Variants in C5 observed in about 807,000 individuals in gnomAD.
The protein encoded by C5 is complement C5.
C5 carries 140 observed loss-of-function variants against 218.8 expected under a neutral mutation model. That is an observed-to-expected ratio of 0.64 (90% CI 0.56 to 0.74). C5 has a LOEUF of 0.74. Among genes scored for constraint, C5 ranks in the 30% least tolerant of loss-of-function variants. C5 has a pLI of 0.00. For missense variants in C5, 1,700 were observed against 1,969.6 expected, an observed-to-expected ratio of 0.86 and a Z score of 2.59; for synonymous variants, 614 against 682.3, an observed-to-expected ratio of 0.90 and a Z score of 1.56.
In C5 at chr9:121,013,885, A is replaced by G. The variant is rs752795262; in HGVS notation, c.2245T>C (p.Leu749=). 5 of 1,614,000 alleles carry G rather than the reference A, an allele frequency of 3.1e-6. No individual in the cohort carries two copies. The highest frequency in any genetic ancestry group is 2.2e-5 in the South Asian group (2 of 91,070). ...RANISHKDMQ[L]GRLHMKTLLP... ...ATGTCATACTTACGTAGCCTTCCCA[A>G]TTGCATGTCTTTATGAGAGATATTA... The change falls in exon 17 of 41, where the codon TTG becomes CTG. Residue 749 remains leucine (L), a synonymous_variant. Coordinates refer to ENST00000223642, the MANE Select transcript of C5 (RefSeq NM_001735.3).
At chr9:120,972,022 C>A (rs766780891) in intron 30 of C5, 30 bp from the exon 31 acceptor site, 2 of 1,577,446 alleles carry the variant, frequency 1.3e-6, no homozygotes, top group Non-Finnish European at 8.7e-7. Context: ...ACAAACCATG[C>A]TTTCTTTCAT....
Position 121,018,737 on chromosome 9 carries a change from G to GAAAGA in C5, c.1507-886_1507-885insTCTTT, listed in dbSNP as rs1439699610. Among the ~76,000 whole-genome samples the GAAAGA allele has an allele frequency of 8.1e-4, 72 of 88,468 alleles. 1 individual carries two copies. The highest frequency in any genetic ancestry group is 3.2e-3 in the South Asian group (8 of 2,482). 58.0% of individuals were successfully genotyped at this position (88,468 alleles called of 152,430 possible). A position where few individuals can be genotyped will look rare whatever the true frequency, so the allele number is the denominator to read the frequency against. The stretch of plus-strand genomic sequence containing the variant: ...AGAAAGAAAGAAAGAAGGAAGGAAG[G>GAAAGA]AAGGAAAGGAAGGAAGGAAGGAAGG... On this transcript the variant is annotated intron_variant, in intron 12 of 40. Transcript: ENST00000223642.
Position 121,005,943 on chromosome 9 carries a change from G to T in C5, c.2538C>A (p.Tyr846Ter). ...GEQIQLKGTV[Y>*]NYRTSGMQFC... ...CCTGCATCCCAGAAGTCCTATAGTT[G>T]TAAACAGTTCCTTTCAATTGGATCT... Residue 846 changes from tyrosine (Y) to a stop codon, truncating the protein, a stop_gained, in exon 20 of 41, where the codon TAC becomes TAA. Transcript: ENST00000223642. LOFTEE classifies it high-confidence loss of function. 2 of 1,613,520 alleles carry T rather than the reference G, an allele frequency of 1.2e-6. No individual in the cohort carries two copies. Among genetic ancestry groups the T allele is most frequent in the Non-Finnish European group, 1.7e-6 (2 of 1,179,670 alleles).
At chr9:120,955,640 G>C in intron 39 of C5, among the ~76,000 whole-genome samples, 1 of 151,466 alleles carries the variant, frequency 6.6e-6, no homozygotes, top group Non-Finnish European at 1.5e-5. Context: ...CATCAATGAA[G>C]AAAAAAATAA....
chr9:121,043,700 C>CTTTTTTTTTTTTTTT (rs34794535), intron 2 of C5, among the ~76,000 whole-genome samples: 3 of 120,662 alleles, frequency 2.5e-5, no homozygotes, highest in Non-Finnish European at 3.3e-5. Context: ...GTCCAGCTAA[C>CTTTTTTTTTTTTTTT]TTTTTTTTTT....
At chr9:120,991,088 T>A in intron 23 of C5, 103 bp downstream of exon 23, 1 of 773,864 alleles carries the variant, frequency 1.3e-6, no homozygotes, top group South Asian at 1.4e-5. Flanking sequence ...TTGTGTGTGC[T>A]ACTGAACACG....
chr9:121,032,283 A>G, intron 5 of C5, 88 bp from the exon 6 acceptor site: 2 of 766,866 alleles, frequency 2.6e-6, no homozygotes, highest in Non-Finnish European at 4.6e-6. Flanking sequence ...TGTTTTAAAG[A>G]GGGAAGAATA....
intron 26 of C5, among the ~76,000 whole-genome samples, chr9:120,982,299 C>T (rs1312526025): frequency 2.6e-5 from 4 of 152,034 alleles, no homozygotes; most frequent in East Asian, 1.9e-4. Flanking sequence ...CGTGAGCCAC[C>T]GCACCTGGCC....
intron 20 of C5, among the ~76,000 whole-genome samples, chr9:121,001,447 C>T (rs1473163975): frequency 6.6e-6 from 1 of 152,182 alleles, no homozygotes; most frequent in African/African-American, 2.4e-5. Context: ...GAAATAGAAA[C>T]ATCAGTGACA....
chr9:121,041,906 C>T (rs368431364), intron 3 of C5, among the ~76,000 whole-genome samples: 2 of 152,162 alleles, frequency 1.3e-5, no homozygotes, highest in Admixed American at 1.3e-4. Flanking sequence ...ATCTCCACCC[C>T]CTTTAGGCTT....
upstream of C5, among the ~76,000 whole-genome samples, chr9:121,055,130 T>C (rs566954431): frequency 1.3e-5 from 2 of 152,284 alleles, no homozygotes; most frequent in African/African-American, 4.8e-5. Flanking sequence ...TGAATCAATA[T>C]ATACTTTCCA....
At chr9:121,026,768 C>T (rs1361593511) in intron 8 of C5, among the ~76,000 whole-genome samples, 1 of 152,052 alleles carries the variant, frequency 6.6e-6, no homozygotes, top group African/African-American at 2.4e-5. Context: ...GGAGGCTTCC[C>T]AGAGAAAGGC....
chr9:120,995,644 T>C (rs1453550915), intron 22 of C5, among the ~76,000 whole-genome samples: 1 of 152,068 alleles, frequency 6.6e-6, no homozygotes, highest in Admixed American at 6.6e-5. Flanking sequence ...ATATTATAAA[T>C]TATTATTGTG....
chr9:121,073,697 A>G, the C5 span, among the ~76,000 whole-genome samples: 1 of 151,954 alleles, frequency 6.6e-6, no homozygotes, highest in Non-Finnish European at 1.5e-5. Flanking sequence ...TATTTTTAGT[A>G]GAGACGGCGT....
chr9:120,980,639 G>A (rs1047132408), intron 27 of C5, among the ~76,000 whole-genome samples: 4 of 152,028 alleles, frequency 2.6e-5, no homozygotes, highest in African/African-American at 9.7e-5. Flanking sequence ...CGCCCAGGCT[G>A]GAGTGCAGTG....
chr9:121,021,687 A>G lies in C5; in HGVS notation c.1124T>C (p.Val375Ala). The G allele has an allele frequency of 6.2e-7, 1 of 1,613,034 alleles. No homozygotes were observed. The highest frequency in any genetic ancestry group is 8.5e-7 in the Non-Finnish European group (1 of 1,179,048). Residue 375 changes from valine (V) to alanine (A), a missense_variant, in exon 11 of 41, where the codon GTT becomes GCT. By Grantham distance (64) the Val-to-Ala change is moderately conservative. Transcript: ENST00000223642. Reference sequence around the variant, plus strand: ...TACCAACTGGTCAAGCGAATCTTTAACCTGCACCTGTTTGTCAAAACAATC... The same window carrying G: ...TACCAACTGGTCAAGCGAATCTTTAGCCTGCACCTGTTTGTCAAAACAATC... ...PGIPYPIKVQVKDSLDQLVGG... is the reference protein window; with the variant it reads ...PGIPYPIKVQAKDSLDQLVGG...
At chr9:120,964,989 G>A (rs1184201376) in intron 33 of C5, among the ~76,000 whole-genome samples, 2 of 152,164 alleles carry the variant, frequency 1.3e-5, no homozygotes, top group African/African-American at 4.8e-5. Flanking sequence ...GTGTGATTCT[G>A]TAAAAGTTGA....
chr9:120,953,700 A>C, intron 40 of C5, 30 bp downstream of exon 40: 1 of 1,611,014 alleles, frequency 6.2e-7, no homozygotes, highest in Non-Finnish European at 8.5e-7. Context: ...TGGAGGGAAG[A>C]TCAGTGACTG....
the C5 span, among the ~76,000 whole-genome samples, chr9:121,056,685 A>G: frequency 6.6e-6 from 1 of 152,118 alleles, no homozygotes; most frequent in African/African-American, 2.4e-5. Flanking sequence ...AAAAAGGAAA[A>G]AACTAAAAAG....
Sources: gnomAD v4.1 joint callset for allele counts (sites outside exome capture counted in the v4.1 genomes callset) on GRCh38, gnomAD v4.1.1 for gene constraint, MANE v1.5 for transcripts, NCBI Gene and HGNC (gene_info 2026-07-23, HGNC 2026-07-21) for gene names.